Variants in PTPRN2 observed in about 807,000 individuals in gnomAD.
PTPRN2 encodes the protein receptor-type tyrosine-protein phosphatase N2.
A neutral mutation model predicts 118.8 loss-of-function variants in PTPRN2; 74 were observed. The observed-to-expected ratio is 0.62, with a 90% CI of 0.52 to 0.76. The LOEUF (loss-of-function observed/expected upper bound fraction) is 0.76. Among genes scored for constraint, PTPRN2 ranks in the 30% least tolerant of loss-of-function variants. The pLI is 0.00. For missense variants in PTPRN2, 1,481 were observed against 1,394.4 expected (o/e 1.06, Z -0.99); for synonymous variants, 641 against 608.0 (o/e 1.05, Z -0.80).
intron 3 of PTPRN2, among the ~76,000 whole-genome samples, chr7:158,207,991 T>C (rs1827292306): frequency 6.6e-6 from 1 of 152,194 alleles, no homozygotes; most frequent in African/African-American, 2.4e-5. Context: ...TTGAAAAACA[T>C]AACTGACCCA....
chr7:158,453,561 T>C (rs13308736), intron 2 of PTPRN2, among the ~76,000 whole-genome samples: 82,357 of 151,828 alleles, frequency 0.54, 22,496 homozygotes, highest in Non-Finnish European at 0.55. Context: ...TATGGAAAAG[T>C]GGCAGCTGCC....
At chr7:157,680,509 C>T (rs1469540357) in intron 13 of PTPRN2, among the ~76,000 whole-genome samples, 1 of 152,160 alleles carries the variant, frequency 6.6e-6, no homozygotes, top group Non-Finnish European at 1.5e-5. Flanking sequence ...TCCTTGTAAC[C>T]GCAATTGTCT....
rs114280065 is a variant in PTPRN2 at position 157,713,674 on chromosome 7, C to T, written c.1789-30737G>A. 8.3e-3 allele frequency among the ~76,000 whole-genome samples: 1,267 copies of T among 152,314 alleles called. 17 individuals carry two copies. The highest frequency in any genetic ancestry group is 0.075 in the Middle Eastern group (22 of 294). On this transcript the variant is annotated intron_variant, in intron 12 of 22. Transcript: ENST00000389418. ...CGGTTCCCACAATCTACCTGTAACC[C>T]TTTCTGAATGTTTGTCCAACTCTCT...
intron 12 of PTPRN2, among the ~76,000 whole-genome samples, chr7:157,871,964 T>TCCCCACACACACATACCCAGTGTCC (rs1811078140): frequency 1.3e-5 from 1 of 76,872 alleles, no homozygotes; most frequent in South Asian, 4.4e-4. Context: ...TACCCAGCGC[T>TCCCCACACACACATACCCAGTGTCC]TCCCCACACA....
At chr7:158,053,872 C>A (rs878869597) in intron 11 of PTPRN2, among the ~76,000 whole-genome samples, 4 of 136,470 alleles carry the variant, frequency 2.9e-5, no homozygotes, top group Non-Finnish European at 4.5e-5. Context: ...ACGCAGAGAC[C>A]CCAGAGATGC....
intron 11 of PTPRN2, among the ~76,000 whole-genome samples, chr7:158,009,930 C>G (rs1585195596): frequency 6.6e-6 from 1 of 152,188 alleles, no homozygotes; most frequent in Admixed American, 6.5e-5. Context: ...CCATGCCATC[C>G]TGCCCCACCA....
intron 12 of PTPRN2, among the ~76,000 whole-genome samples, chr7:157,770,263 G>T (rs933708363): frequency 6.6e-6 from 1 of 152,232 alleles, no homozygotes; most frequent in Non-Finnish European, 1.5e-5. Context: ...TATGACTGGA[G>T]GTTTCTGCTG....
intron 2 of PTPRN2, among the ~76,000 whole-genome samples, chr7:158,484,633 G>A (rs746454750): frequency 1.4e-4 from 21 of 152,218 alleles, no homozygotes; most frequent in South Asian, 4.1e-4. Flanking sequence ...GAAGTGCTGG[G>A]ATTACAGGGT....
chr7:158,066,202 T>G (rs1224248597), intron 11 of PTPRN2, among the ~76,000 whole-genome samples: 3 of 152,206 alleles, frequency 2.0e-5, no homozygotes, highest in Non-Finnish European at 2.9e-5. Flanking sequence ...AGCAAGATGG[T>G]GTGCCCCCTC....
intron 12 of PTPRN2, among the ~76,000 whole-genome samples, chr7:157,894,915 C>G (rs535859771): frequency 7.9e-5 from 12 of 152,286 alleles, no homozygotes; most frequent in African/African-American, 9.6e-5. Flanking sequence ...GAAAGTGGAT[C>G]GGCTGGGACA....
chr7:158,279,357 C>T (rs1391031350), intron 3 of PTPRN2, among the ~76,000 whole-genome samples: 1 of 152,136 alleles, frequency 6.6e-6, no homozygotes, highest in Non-Finnish European at 1.5e-5. Flanking sequence ...TTTAGCTAGA[C>T]AGAAAACTTC....
At chr7:158,021,312 C>T (rs1387336430) in intron 11 of PTPRN2, among the ~76,000 whole-genome samples, 1 of 152,076 alleles carries the variant, frequency 6.6e-6, no homozygotes, top group Non-Finnish European at 1.5e-5. Flanking sequence ...GTTCAAAAGC[C>T]TTGAGTGAAA....
chr7:158,322,044 G>C (rs961276251), intron 2 of PTPRN2, among the ~76,000 whole-genome samples: 18 of 152,192 alleles, frequency 1.2e-4, no homozygotes, highest in African/African-American at 4.3e-4. Flanking sequence ...AGCGTTGGGT[G>C]CTCTCATCAA....
intron 11 of PTPRN2, among the ~76,000 whole-genome samples, chr7:157,940,444 C>T (rs560108720): frequency 1.4e-4 from 21 of 151,960 alleles, no homozygotes; most frequent in Non-Finnish European, 2.5e-4. Flanking sequence ...CTAATGCCCT[C>T]CCCTGTGACA....
chr7:157,660,073 T>C (rs1009514046), intron 13 of PTPRN2, among the ~76,000 whole-genome samples: 1 of 152,130 alleles, frequency 6.6e-6, no homozygotes, highest in Non-Finnish European at 1.5e-5. Context: ...ATTGTGCACA[T>C]GAATTTTGCT....
intron 11 of PTPRN2, among the ~76,000 whole-genome samples, chr7:157,908,253 T>C: frequency 6.6e-6 from 1 of 152,216 alleles, no homozygotes; most frequent in Non-Finnish European, 1.5e-5. Flanking sequence ...CGCAGCATGA[T>C]GTCCCCTGCG....
chr7:158,515,113 C>T (rs899096145), intron 1 of PTPRN2, among the ~76,000 whole-genome samples: 4 of 151,878 alleles, frequency 2.6e-5, no homozygotes, highest in African/African-American at 4.8e-5. Flanking sequence ...AACTGGGATG[C>T]GGAGAGAAAG....
At chr7:157,548,448 G>A (rs1026424384) in intron 22 of PTPRN2, among the ~76,000 whole-genome samples, 1 of 152,146 alleles carries the variant, frequency 6.6e-6, no homozygotes, top group Admixed American at 6.5e-5. Flanking sequence ...TTGAGCCAAA[G>A]CTCACCAGAA....
intron 8 of PTPRN2, 26 bp from the exon 9 acceptor site, chr7:158,134,085 G>C: frequency 6.3e-7 from 1 of 1,598,190 alleles, no homozygotes; most frequent in Non-Finnish European, 8.5e-7. Flanking sequence ...TTCCGTGAGG[G>C]ACGTCTGCGA....
Sources: gnomAD v4.1 joint callset for allele counts (sites outside exome capture counted in the v4.1 genomes callset) on GRCh38, gnomAD v4.1.1 for gene constraint, MANE v1.5 for transcripts, NCBI Gene and HGNC (gene_info 2026-07-23, HGNC 2026-07-21) for gene names.